Variants in LRMDA observed in about 807,000 individuals in gnomAD.
The protein encoded by LRMDA is leucine rich melanocyte differentiation associated.
LRMDA carries 18 observed loss-of-function variants against 29.8 expected under a neutral mutation model. That is an observed-to-expected ratio of 0.60 (90% CI 0.42 to 0.90). The LOEUF is 0.90. LRMDA is among the 40% of genes least tolerant of loss of function. LRMDA has a pLI of 0.00. For synonymous variants in LRMDA, 125 were observed against 109.4 expected (o/e 1.14, Z -0.89); for missense variants, 273 against 273.9 (o/e 1.00, Z 0.02).
At chr10:76,327,294 T>C (rs752667508) in intron 6 of LRMDA, among the ~76,000 whole-genome samples, 3 of 152,144 alleles carry the variant, frequency 2.0e-5, no homozygotes, top group Non-Finnish European at 4.4e-5. Context: ...GGTTTCACCA[T>C]GTTGACCAGG....
intron 2 of LRMDA, among the ~76,000 whole-genome samples, chr10:75,879,976 G>A (rs1845267133): frequency 6.6e-6 from 1 of 152,102 alleles, no homozygotes; most frequent in African/African-American, 2.4e-5. Context: ...TGATCCTTAA[G>A]AGGAAAATAA....
At chr10:76,502,599 A>C (rs1022011795) in intron 6 of LRMDA, among the ~76,000 whole-genome samples, 4 of 151,790 alleles carry the variant, frequency 2.6e-5, no homozygotes, top group African/African-American at 9.7e-5. Flanking sequence ...GTTCCTAAGT[A>C]TTTTAATTTC....
At chr10:76,457,281 T>C (rs1474202242) in intron 6 of LRMDA, among the ~76,000 whole-genome samples, 1 of 152,204 alleles carries the variant, frequency 6.6e-6, no homozygotes, top group East Asian at 1.9e-4. Flanking sequence ...TGATTCTGTG[T>C]TTGCAAATTT....
intron 6 of LRMDA, among the ~76,000 whole-genome samples, chr10:76,380,973 T>A (rs1476130513): frequency 6.6e-6 from 1 of 151,086 alleles, no homozygotes; most frequent in East Asian, 1.9e-4. Flanking sequence ...GTTAAAATAC[T>A]AATGTATGTA....
chr10:75,779,770 T>A (rs1229768369), intron 2 of LRMDA, among the ~76,000 whole-genome samples: 1 of 152,196 alleles, frequency 6.6e-6, no homozygotes. Context: ...CTGTACCTTC[T>A]GGATCATGAG....
intron 2 of LRMDA, among the ~76,000 whole-genome samples, chr10:75,595,672 A>T (rs1840777596): frequency 6.6e-6 from 1 of 151,072 alleles, no homozygotes; most frequent in Non-Finnish European, 1.5e-5. Context: ...TAAAATTAAG[A>T]ATGATAATTT....
chr10:75,651,510 C>T (rs546547848), intron 2 of LRMDA, among the ~76,000 whole-genome samples: 1 of 152,308 alleles, frequency 6.6e-6, no homozygotes, highest in East Asian at 1.9e-4. Flanking sequence ...TTCATCCATT[C>T]TCTGGACACT....
At chr10:76,235,271 T>G (rs1389615540) in intron 5 of LRMDA, among the ~76,000 whole-genome samples, 1 of 152,152 alleles carries the variant, frequency 6.6e-6, no homozygotes, top group Non-Finnish European at 1.5e-5. Flanking sequence ...TCTATGAGCA[T>G]GATTCATGGT....
chr10:75,738,403 C>T (rs935280616), intron 2 of LRMDA, among the ~76,000 whole-genome samples: 2 of 152,198 alleles, frequency 1.3e-5, no homozygotes, highest in African/African-American at 4.8e-5. Flanking sequence ...TTGGACTCTC[C>T]TTGTCCCATG....
At position 75,500,151 on chromosome 10, in the gene LRMDA, C is replaced by T. The variant is rs1230419001; in HGVS notation, c.131+61657C>T. ...TCTGACTGAGGTAGGGGGCTGGAGA[C>T]CATCCTGATTGAACCCCTGTTGCTC... On this transcript the variant is annotated intron_variant, in intron 2 of 6. Transcript: ENST00000611255. Among the ~76,000 whole-genome samples, 5 of 152,120 alleles carry T rather than the reference C, an allele frequency of 3.3e-5. No individual in the cohort carries two copies. In the South Asian group the frequency reaches 1.0e-3, roughly 31 times the overall value.
At chr10:75,648,604 A>G (rs796469493) in intron 2 of LRMDA, among the ~76,000 whole-genome samples, 5 of 152,304 alleles carry the variant, frequency 3.3e-5, no homozygotes, top group African/African-American at 1.2e-4. Flanking sequence ...ATCAAGCCCT[A>G]CAAAGACTCT....
At chr10:76,261,170 T>C (rs1839938227) in intron 5 of LRMDA, among the ~76,000 whole-genome samples, 1 of 148,864 alleles carries the variant, frequency 6.7e-6, no homozygotes, top group Non-Finnish European at 1.5e-5. Context: ...GTTCACGCCA[T>C]TCTCCTGCCT....
chr10:76,298,021 T>A (rs1840433267), intron 5 of LRMDA, among the ~76,000 whole-genome samples: 1 of 152,222 alleles, frequency 6.6e-6, no homozygotes, highest in African/African-American at 2.4e-5. Flanking sequence ...TAACTGCCTG[T>A]TGTACGTAAC....
chr10:75,647,900 C>T (rs974267291), intron 2 of LRMDA, among the ~76,000 whole-genome samples: 2 of 152,166 alleles, frequency 1.3e-5, no homozygotes, highest in East Asian at 1.9e-4. Context: ...CACCAAACCA[C>T]GAGAGTCAGG....
At chr10:75,442,481 A>G (rs776399732) in intron 2 of LRMDA, among the ~76,000 whole-genome samples, 7 of 152,206 alleles carry the variant, frequency 4.6e-5, no homozygotes, top group Non-Finnish European at 1.0e-4. Flanking sequence ...ATGGATATCC[A>G]GTTTTTCTAA....
chr10:75,435,556 C>T (rs1295540005), intron 1 of LRMDA, among the ~76,000 whole-genome samples: 1 of 152,212 alleles, frequency 6.6e-6, no homozygotes, highest in African/African-American at 2.4e-5. Flanking sequence ...CGAGTTGGTT[C>T]TCATGCTAAA....
chr10:75,533,081 T>G (rs1051208329), intron 2 of LRMDA, among the ~76,000 whole-genome samples: 3 of 152,174 alleles, frequency 2.0e-5, no homozygotes, highest in African/African-American at 7.2e-5. Context: ...AAAAGAAAGG[T>G]ACTAGGCTGG....
chr10:76,328,651 A>T (rs1840866924), intron 6 of LRMDA, among the ~76,000 whole-genome samples: 1 of 152,204 alleles, frequency 6.6e-6, no homozygotes, highest in African/African-American at 2.4e-5. Context: ...TGGCCTGGAA[A>T]TGTTCACCAC....
chr10:76,150,033 G>T (rs1850409181), intron 5 of LRMDA, among the ~76,000 whole-genome samples: 1 of 152,204 alleles, frequency 6.6e-6, no homozygotes, highest in South Asian at 2.1e-4. Flanking sequence ...CTAGCCAGAA[G>T]CTCAAAATCC....
Sources: gnomAD v4.1 joint callset for allele counts (sites outside exome capture counted in the v4.1 genomes callset) on GRCh38, gnomAD v4.1.1 for gene constraint, MANE v1.5 for transcripts, NCBI Gene and HGNC (gene_info 2026-07-23, HGNC 2026-07-21) for gene names.